The following MGAT4C variants were observed in gnomAD, a reference collection of about 807,000 sequenced individuals.
MGAT4C encodes the protein MGAT4 family member C.
Under a neutral mutation model 40.1 loss-of-function variants are expected in MGAT4C, and 19 were observed. The ratio of observed to expected loss-of-function variants is 0.47; its 90% confidence interval spans 0.33 to 0.70. The LOEUF is 0.70. Among genes scored for constraint, MGAT4C ranks in the 30% least tolerant of loss-of-function variants. The probability of loss-of-function intolerance (pLI) is 0.02; values close to 1 mark genes in which losing one functional copy is unlikely to be tolerated. For missense variants in MGAT4C, 491 were observed against 563.2 expected, an observed-to-expected ratio of 0.87 and a Z score of 1.30; for synonymous variants, 181 against 187.1, an observed-to-expected ratio of 0.97 and a Z score of 0.27.
At chr12:86,638,056 T>C (rs1790235249) in intron 2 of MGAT4C, among the ~76,000 whole-genome samples, 2 of 152,030 alleles carry the variant, frequency 1.3e-5, no homozygotes, top group Non-Finnish European at 2.9e-5. Flanking sequence ...GCCCTCTTTG[T>C]CTTTAAAAAT....
intron 3 of MGAT4C, among the ~76,000 whole-genome samples, chr12:86,418,748 A>G (rs1299866100): frequency 3.3e-5 from 5 of 152,112 alleles, no homozygotes; most frequent in African/African-American, 1.2e-4. Context: ...AGTACCAATA[A>G]GGAGAAACAA....
chr12:86,272,020 A>C (rs1310502627), intron 4 of MGAT4C, among the ~76,000 whole-genome samples: 4 of 151,866 alleles, frequency 2.6e-5, no homozygotes, highest in Admixed American at 6.6e-5. Flanking sequence ...GAAGAGGATG[A>C]AGAGAACTGG....
chr12:86,403,603 G>C (rs1956411016), intron 3 of MGAT4C, among the ~76,000 whole-genome samples: 1 of 151,920 alleles, frequency 6.6e-6, no homozygotes, highest in African/African-American at 2.4e-5. Context: ...TTAGAAATTA[G>C]GATCATTTTA....
chr12:86,191,073 C>G lies in MGAT4C; in HGVS notation c.-57+65166G>C, dbSNP rs1032263807. ...CAGGAACCAATTTCTTAAAATCACT[C>G]TCTCTCTCTGCACACACACACACAC... On this transcript the variant is annotated intron_variant, in intron 1 of 4. Transcript: ENST00000611864. Among the ~76,000 whole-genome samples the G allele has an allele frequency of 7.9e-5, 11 of 139,268 alleles. No individual in the cohort carries two copies. In the Admixed American group the frequency reaches 8.8e-4, roughly 11 times the overall value. 91.4% of individuals were successfully genotyped at this position (139,268 alleles called of 152,430 possible). A position where few individuals can be genotyped will look rare whatever the true frequency, so the allele number is the denominator to read the frequency against.
At chr12:86,167,568 A>C (rs1174254249) in intron 1 of MGAT4C, among the ~76,000 whole-genome samples, 2 of 152,226 alleles carry the variant, frequency 1.3e-5, no homozygotes, top group African/African-American at 4.8e-5. Flanking sequence ...ATTGATTAAG[A>C]GGCTGCATCT....
chr12:86,112,444 C>A (rs914846107), intron 1 of MGAT4C, among the ~76,000 whole-genome samples: 3 of 151,602 alleles, frequency 2.0e-5, no homozygotes, highest in African/African-American at 7.3e-5. Context: ...TAGTGGCAGA[C>A]AGCATTGCCC....
chr12:85,972,075 T>C lies in MGAT4C; in HGVS notation c.*7214A>G, dbSNP rs1034914230. On this transcript the variant is annotated 3_prime_UTR_variant, in exon 5 of 5. Transcript: ENST00000611864. The stretch of plus-strand genomic sequence containing the variant: ...CAACCATTACATTACAGACAATTCA[T>C]ATATATGTCTTGAAAATCTTCTTGA... The C allele has an allele frequency of 6.6e-6, 1 of 151,180 alleles. No individual in the cohort carries two copies. The highest frequency in any genetic ancestry group is 1.5e-5 in the Non-Finnish European group (1 of 67,320). The allele number at this position is 151,180 out of a possible 1,614,324, so 9.4% of individuals were successfully genotyped here.
intron 1 of MGAT4C, among the ~76,000 whole-genome samples, chr12:86,192,099 G>A (rs1029153374): frequency 4.9e-5 from 5 of 102,390 alleles, no homozygotes; most frequent in Non-Finnish European, 9.1e-5. Flanking sequence ...GTTGTGGGGT[G>A]GGGGGAGGGG....
chr12:86,491,643 T>C (rs1436352041), intron 2 of MGAT4C, among the ~76,000 whole-genome samples: 1 of 151,798 alleles, frequency 6.6e-6, no homozygotes, highest in African/African-American at 2.4e-5. Context: ...ATGGGATGTA[T>C]CTCAAAATAA....
At chr12:86,166,186 T>A (rs1046237782) in intron 1 of MGAT4C, among the ~76,000 whole-genome samples, 1 of 152,232 alleles carries the variant, frequency 6.6e-6, no homozygotes, top group African/African-American at 2.4e-5. Context: ...TATAGTCAAC[T>A]GTAATAAATT....
intron 2 of MGAT4C, among the ~76,000 whole-genome samples, chr12:86,697,704 T>C (rs1421828311): frequency 6.6e-6 from 1 of 152,118 alleles, no homozygotes; most frequent in Admixed American, 6.6e-5. Flanking sequence ...ACTTGAATAA[T>C]GATGACCACA....
At chr12:86,396,618 TGGG>T (rs776739203) in intron 3 of MGAT4C, among the ~76,000 whole-genome samples, 7 of 151,718 alleles carry the variant, frequency 4.6e-5, no homozygotes, top group Non-Finnish European at 8.8e-5. Flanking sequence ...AACACAAAGG[TGGG>T]GGAGAAGGAG....
At chr12:86,467,098 A>G (rs1957692811) in intron 2 of MGAT4C, among the ~76,000 whole-genome samples, 1 of 152,174 alleles carries the variant, frequency 6.6e-6, no homozygotes, top group Non-Finnish European at 1.5e-5. Flanking sequence ...ATGCAGCTAT[A>G]GACTATATTA....
chr12:86,468,671 C>T (rs1035480273), intron 2 of MGAT4C, among the ~76,000 whole-genome samples: 3 of 152,114 alleles, frequency 2.0e-5, no homozygotes, highest in Non-Finnish European at 4.4e-5. Context: ...ACTTTCTCTT[C>T]TACAACATTT....
rs1883210047 is a variant in MGAT4C at position 85,963,426 on chromosome 12, A to G, written c.*15863T>C. ...AGATGCTATCAAGAAAAATTTACCC[A>G]CATAGGAACACACACACATACACAC... On this transcript the variant is annotated 3_prime_UTR_variant, in exon 5 of 5. Coordinates refer to ENST00000611864, the MANE Select transcript of MGAT4C (RefSeq NM_001351288.2). The G allele has an allele frequency of 6.6e-6, 1 of 151,946 alleles. No individual in the cohort carries two copies. Among genetic ancestry groups the G allele is most frequent in the Admixed American group, 6.6e-5 (1 of 15,226 alleles). The allele number at this position is 151,946 out of a possible 1,614,324, so 9.4% of individuals were successfully genotyped here.
chr12:86,220,784 TG>T (rs1950849769), intron 1 of MGAT4C, among the ~76,000 whole-genome samples: 1 of 152,182 alleles, frequency 6.6e-6, no homozygotes, highest in African/African-American at 2.4e-5. Flanking sequence ...AACTGAACAT[TG>T]GTCTACACCT....
At chr12:86,409,423 A>G (rs1015460944) in intron 3 of MGAT4C, among the ~76,000 whole-genome samples, 2 of 152,146 alleles carry the variant, frequency 1.3e-5, no homozygotes, top group African/African-American at 2.4e-5. Flanking sequence ...AACAATCAAA[A>G]ACCTGTGGCA....
At chr12:86,360,278 T>C (rs1233332278) in intron 3 of MGAT4C, among the ~76,000 whole-genome samples, 1 of 152,070 alleles carries the variant, frequency 6.6e-6, no homozygotes, top group Non-Finnish European at 1.5e-5. Context: ...TTTGACAAAG[T>C]TCAAGAGCAC....
At chr12:86,585,233 A>G (rs1477699746) in intron 2 of MGAT4C, among the ~76,000 whole-genome samples, 2 of 151,450 alleles carry the variant, frequency 1.3e-5, no homozygotes. Context: ...TGCTTTTAGT[A>G]TTTCAAAATT....
Sources: allele counts gnomAD v4.1 joint callset (sites outside exome capture counted in the v4.1 genomes callset), GRCh38; gene constraint gnomAD v4.1.1; transcripts MANE v1.5; gene names NCBI Gene and HGNC (gene_info 2026-07-23, HGNC 2026-07-21).